Variants in CTNNA1 observed in about 807,000 individuals in gnomAD.
CTNNA1 encodes catenin alpha 1, also known as catenin alpha-1.
Under a neutral mutation model 98.4 loss-of-function variants are expected in CTNNA1, and 37 were observed. The ratio of observed to expected loss-of-function variants is 0.38; its 90% CI spans 0.29 to 0.49. The LOEUF is 0.49. CTNNA1 is among the 20% of genes least tolerant of loss of function. The pLI is 0.95. For missense variants in CTNNA1, 761 were observed against 1,147.2 expected, an observed-to-expected ratio of 0.66 and a Z score of 4.86; for synonymous variants, 404 against 413.2, an observed-to-expected ratio of 0.98 and a Z score of 0.27.
chr5:138,878,195 G>A (rs1167716154), intron 7 of CTNNA1, among the ~76,000 whole-genome samples: 2 of 152,168 alleles, frequency 1.3e-5, no homozygotes, highest in East Asian at 3.8e-4. Flanking sequence ...AGAGAGCACA[G>A]CCCCTTCCAG....
chr5:138,825,250 G>A (rs1760535480), intron 6 of CTNNA1, among the ~76,000 whole-genome samples: 1 of 152,108 alleles, frequency 6.6e-6, no homozygotes, highest in Admixed American at 6.5e-5. Context: ...TGTCTGCCTA[G>A]ATATACTTCT....
chr5:138,830,483 G>A (rs147303219), intron 7 of CTNNA1, among the ~76,000 whole-genome samples: 2 of 152,290 alleles, frequency 1.3e-5, no homozygotes, highest in East Asian at 1.9e-4. Flanking sequence ...ATTGATTCAC[G>A]TAACAGTGAA....
At chr5:138,799,625 A>AT (rs11386305) in intron 3 of CTNNA1, among the ~76,000 whole-genome samples, 6,256 of 142,082 alleles carry the variant, frequency 0.044, 403 homozygotes, top group African/African-American at 0.14. Context: ...TCTTAGTGTC[A>AT]TTTTTTTTTT....
intron 16 of CTNNA1, 38 bp downstream of exon 16, chr5:138,930,973 TCC>T: frequency 7.2e-7 from 1 of 1,383,046 alleles, no homozygotes; most frequent in Non-Finnish European, 1.0e-6. Context: ...TCCAAGCTCC[TCC>T]TGGGGCTCAG....
intron 1 of CTNNA1, among the ~76,000 whole-genome samples, chr5:138,767,121 C>T (rs530858402): frequency 1.8e-4 from 28 of 152,178 alleles, no homozygotes; most frequent in African/African-American, 6.7e-4. Flanking sequence ...ACTGCAAGCT[C>T]CTCCTCCCGG....
At position 138,873,777 on chromosome 5, in the gene CTNNA1, C is replaced by T; in HGVS notation, c.1063-12435C>T. 2.5e-6 allele frequency: 4 copies of T among 1,613,994 alleles called. No homozygotes were observed. Among genetic ancestry groups the T allele is most frequent in the Non-Finnish European group, 3.4e-6 (4 of 1,179,888 alleles). ...AAGTCGATGGCTTTGATTTCATTTC[C>T]AGTCAGGTCTAGCTTTTCTAAAGTG... is the stretch of plus-strand genomic sequence containing the variant. On this transcript the variant is annotated intron_variant, in intron 7 of 17. Transcript: ENST00000302763. The surrounding 1 kb of genome is among the most constrained non-coding windows in gnomAD (Gnocchi z 6.1).
At chr5:138,800,689 G>A (rs1757477278) in intron 3 of CTNNA1, among the ~76,000 whole-genome samples, 1 of 152,130 alleles carries the variant, frequency 6.6e-6, no homozygotes, top group Admixed American at 6.5e-5. Context: ...TGTAATCCGA[G>A]CTATTCGGGA....
intron 7 of CTNNA1, among the ~76,000 whole-genome samples, chr5:138,860,078 T>G (rs1764119818): frequency 6.6e-6 from 1 of 152,142 alleles, no homozygotes; most frequent in South Asian, 2.1e-4. Flanking sequence ...ATTTGAAAGG[T>G]GAGATCTTAA....
At chr5:138,810,950 C>T (rs1758645571) in intron 4 of CTNNA1, among the ~76,000 whole-genome samples, 1 of 141,752 alleles carries the variant, frequency 7.1e-6, no homozygotes, top group Non-Finnish European at 1.6e-5. Context: ...CCGGACGGGG[C>T]AGCTGGCCGG....
At chr5:138,829,201 A>G (rs980964983) in intron 7 of CTNNA1, among the ~76,000 whole-genome samples, 10 of 152,244 alleles carry the variant, frequency 6.6e-5, no homozygotes, top group South Asian at 2.1e-4. Flanking sequence ...AAATGGAAAA[A>G]GTGGTTTTTA....
chr5:138,804,443 T>C (rs947495736), intron 3 of CTNNA1, among the ~76,000 whole-genome samples: 13 of 152,208 alleles, frequency 8.5e-5, no homozygotes, highest in African/African-American at 2.9e-4. Context: ...AGAAACCTAG[T>C]TTTACCTGTT....
intron 7 of CTNNA1, among the ~76,000 whole-genome samples, chr5:138,843,760 G>T (rs1762466782): frequency 6.6e-6 from 1 of 152,188 alleles, no homozygotes; most frequent in Non-Finnish European, 1.5e-5. Flanking sequence ...CAGCTAAGAG[G>T]AGTGTCCTGG....
intron 1 of CTNNA1, among the ~76,000 whole-genome samples, chr5:138,762,679 A>T (rs1451656848): frequency 6.6e-6 from 1 of 151,710 alleles, no homozygotes; most frequent in East Asian, 1.9e-4. Flanking sequence ...GGAGTAATGC[A>T]TGTAATGTAA....
intron 3 of CTNNA1, among the ~76,000 whole-genome samples, chr5:138,805,763 T>G (rs28745573): frequency 1.3e-5 from 2 of 151,690 alleles, no homozygotes; most frequent in African/African-American, 4.8e-5. Flanking sequence ...AAAAAAAAAA[T>G]TATTTAGTAT....
chr5:138,851,356 A>G (rs1283512754), intron 7 of CTNNA1, among the ~76,000 whole-genome samples: 1 of 152,168 alleles, frequency 6.6e-6, no homozygotes, highest in Non-Finnish European at 1.5e-5. Context: ...GCTAGTCATC[A>G]TAGAAGGTGA....
intron 7 of CTNNA1, among the ~76,000 whole-genome samples, chr5:138,829,485 G>A (rs961170157): frequency 1.3e-5 from 2 of 152,156 alleles, no homozygotes; most frequent in East Asian, 3.9e-4. Context: ...CGATTGCTCC[G>A]TTTTAGAGCC....
rs752859035 is a variant in CTNNA1, at chr5:138,873,220, G to A, written c.1063-12992G>A. The A allele has an allele frequency of 1.9e-4, 300 of 1,613,804 alleles. No individual in the cohort carries two copies. The highest frequency in any genetic ancestry group is 2.5e-4 in the Non-Finnish European group (293 of 1,179,870). Reference sequence around the variant, plus strand: ...TAATTCTTCTTAAAGTGGGAGGGCAGCACTTCCTGGAGATGAACACTATAA... The same window carrying A: ...TAATTCTTCTTAAAGTGGGAGGGCAACACTTCCTGGAGATGAACACTATAA... On this transcript the variant is annotated intron_variant, in intron 7 of 17. Coordinates refer to ENST00000302763, the MANE Select transcript of CTNNA1 (RefSeq NM_001903.5). This position sits in a 1 kb window ranked among gnomAD's most constrained non-coding sequence, Gnocchi z 6.1.
chr5:138,859,269 T>G (rs1764043482), intron 7 of CTNNA1, among the ~76,000 whole-genome samples: 1 of 152,234 alleles, frequency 6.6e-6, no homozygotes, highest in Admixed American at 6.5e-5. Flanking sequence ...CCTTGAAACC[T>G]ATCCTTTTTT....
chr5:138,839,680 A>G (rs116650608), intron 7 of CTNNA1, among the ~76,000 whole-genome samples: 1,780 of 152,272 alleles, frequency 0.012, 29 homozygotes, highest in African/African-American at 0.041. Context: ...CTTTATTTCA[A>G]TTCTTGGATT....
Sources: allele counts gnomAD v4.1 joint callset (sites outside exome capture counted in the v4.1 genomes callset), GRCh38; gene constraint gnomAD v4.1.1; non-coding constraint Gnocchi (gnomAD v3.1); transcripts MANE v1.5; gene names NCBI Gene and HGNC (gene_info 2026-07-23, HGNC 2026-07-21).